Variants in FZR1 observed in about 807,000 individuals in gnomAD.
The protein encoded by FZR1 is fizzy-related protein homolog.
FZR1 carries 11 observed loss-of-function variants against 63.6 expected under a neutral mutation model. That is an observed-to-expected ratio of 0.17 (90% confidence interval 0.11 to 0.29). FZR1 has a LOEUF of 0.29. FZR1 is among the 10% of genes least tolerant of loss of function. The pLI is 1.00. For missense variants in FZR1, 440 were observed against 687.5 expected, an observed-to-expected ratio of 0.64 and a Z score of 4.03; for synonymous variants, 328 against 297.9, an observed-to-expected ratio of 1.10 and a Z score of -1.04.
At chr19:3,509,751 A>T (rs751663779) in intron 1 of FZR1, among the ~76,000 whole-genome samples, 5 of 152,148 alleles carry the variant, frequency 3.3e-5, no homozygotes, top group Non-Finnish European at 7.4e-5. Context: ...GATGTCCTCA[A>T]GGTGCGTCTA....
intron 7 of FZR1, among the ~76,000 whole-genome samples, chr19:3,529,536 G>A (rs1401620169): frequency 6.7e-6 from 1 of 149,368 alleles, no homozygotes; most frequent in Non-Finnish European, 1.5e-5. Context: ...GTGGATGAGA[G>A]TGGTTGAGGG....
rs199666961 is a variant in FZR1, at chr19:3,525,865, C to T, written c.70-3C>T. 3.1e-5 allele frequency: 50 copies of T among 1,610,840 alleles called. No homozygotes were observed. Among genetic ancestry groups the T allele is most frequent in the Non-Finnish European group, 4.2e-5 (49 of 1,179,902 alleles). ...GAGCAAGCCCTCTGCTGATGCCCTT[C>T]AGGTCACAGAGATGCGGCGGACCCT... On this transcript the variant is annotated splice_polypyrimidine_tract_variant and splice_region_variant and intron_variant, in intron 2 of 13. Transcript: ENST00000441788. The surrounding 1 kb of genome is among the most constrained non-coding windows in gnomAD (Gnocchi z 4.2).
rs575466550 is a variant in FZR1 at position 3,515,393 on chromosome 19, C to G, written c.-34-7563C>G. Among the ~76,000 whole-genome samples the G allele has an allele frequency of 6.6e-6, 1 of 152,160 alleles. No homozygotes were observed. Among genetic ancestry groups the G allele is most frequent in the Admixed American group, 6.5e-5 (1 of 15,278 alleles). On this transcript the variant is annotated intron_variant, in intron 1 of 13. Coordinates refer to ENST00000441788, the MANE Select transcript of FZR1 (RefSeq NM_016263.4). This position sits in a 1 kb window ranked among gnomAD's most constrained non-coding sequence, Gnocchi z 4.6. ...AAAGGAGGGAGAATGCGGTGGTGCC[C>G]GGTCTCATCCGGAGCCTGCCTGGCC...
At chr19:3,517,632 G>A (rs2083068019) in intron 1 of FZR1, among the ~76,000 whole-genome samples, 1 of 151,498 alleles carries the variant, frequency 6.6e-6, no homozygotes. Flanking sequence ...AGGTTGCAGT[G>A]TGCCGAGATT....
At chr19:3,532,188 G>A (rs1030093198) in intron 10 of FZR1, 93 bp downstream of exon 10, 25 of 1,243,132 alleles carry the variant, frequency 2.0e-5, no homozygotes, top group Non-Finnish European at 1.1e-6. Context: ...GGCGGGCGCG[G>A]GCGCGGGGCC....
At chr19:3,528,337 T>C (rs2083183178) in intron 7 of FZR1, among the ~76,000 whole-genome samples, 1 of 152,164 alleles carries the variant, frequency 6.6e-6, no homozygotes, top group Non-Finnish European at 1.5e-5. Flanking sequence ...GCCATGCGAG[T>C]AGTTTCGGGA....
At chr19:3,510,110 A>G (rs2083014264) in intron 1 of FZR1, among the ~76,000 whole-genome samples, 1 of 151,128 alleles carries the variant, frequency 6.6e-6, no homozygotes, top group African/African-American at 2.4e-5. Flanking sequence ...GCCTTCCCAA[A>G]TTGCTGCACG....
chr19:3,531,622 TGAG>T (rs767262329), intron 8 of FZR1, 89 bp from the exon 9 acceptor site: 7 of 816,336 alleles, frequency 8.6e-6, no homozygotes, highest in Admixed American at 2.8e-5. Context: ...AGAGCCCTGG[TGAG>T]GAGAGAGCCT....
chr19:3,523,159 C>T (rs1184809466), intron 2 of FZR1, 101 bp downstream of exon 2: 29 of 806,450 alleles, frequency 3.6e-5, no homozygotes, highest in Admixed American at 5.2e-5. Flanking sequence ...TAAAGCCCCA[C>T]GGACCACTCA....
At chr19:3,518,627 T>A (rs1213549562) in intron 1 of FZR1, among the ~76,000 whole-genome samples, 2 of 152,214 alleles carry the variant, frequency 1.3e-5, no homozygotes, top group African/African-American at 2.4e-5. Context: ...TGTCCTGTGC[T>A]GGGATTTGAA....
rs7248746 is a variant in FZR1 at position 3,538,092 on chromosome 19, G to C, written c.*3256G>C. ...CCTCAGGGAGGACTTGGGCACCTAC[G>C]CCGAGGGAGTGGAGCTCCTGGGTGC... On this transcript the variant is annotated 3_prime_UTR_variant, in exon 14 of 14. Transcript: ENST00000441788. 91,519 of 154,034 alleles carry C rather than the reference G, an allele frequency of 0.59. 29,718 individuals are homozygous for C. The highest frequency in any genetic ancestry group is 0.85 in the East Asian group (4,371 of 5,166). The allele number at this position is 154,034 out of a possible 1,614,324, so 9.5% of individuals were successfully genotyped here. A position where few individuals can be genotyped will look rare whatever the true frequency, so the allele number is the denominator to read the frequency against.
chr19:3,512,374 C>A (rs1308356783), intron 1 of FZR1, among the ~76,000 whole-genome samples: 1 of 152,206 alleles, frequency 6.6e-6, no homozygotes, highest in Admixed American at 6.5e-5. Context: ...GATTTCACAG[C>A]TTCCTAGGCA....
chr19:3,522,916 G>A (rs946083979), intron 1 of FZR1, 40 bp from the exon 2 acceptor site: 11 of 1,058,118 alleles, frequency 1.0e-5, no homozygotes, highest in African/African-American at 1.5e-5. Context: ...CCGGGCAGCC[G>A]GCCCTGCCCC....
At chr19:3,529,578 G>A (rs983209714) in intron 7 of FZR1, among the ~76,000 whole-genome samples, 1 of 150,974 alleles carries the variant, frequency 6.6e-6, no homozygotes, top group African/African-American at 2.4e-5. Flanking sequence ...GAGAGCGGAT[G>A]GGTGAGTGGA....
chr19:3,531,443 CTG>C (rs2083245894), intron 8 of FZR1, among the ~76,000 whole-genome samples: 1 of 152,250 alleles, frequency 6.6e-6, no homozygotes, highest in Admixed American at 6.5e-5. Context: ...CTCCTTCCCT[CTG>C]TGTGAAATGT....
chr19:3,517,631 T>C (rs1466271012), intron 1 of FZR1, among the ~76,000 whole-genome samples: 1 of 151,930 alleles, frequency 6.6e-6, no homozygotes, highest in Admixed American at 6.6e-5. Context: ...GAGGTTGCAG[T>C]GTGCCGAGAT....
In FZR1 at chr19:3,536,832, T is replaced by C. The variant is rs1243967167; in HGVS notation, c.*1996T>C. The C allele has an allele frequency of 6.6e-6, 1 of 152,248 alleles. No individual in the cohort carries two copies. The highest frequency in any genetic ancestry group is 1.5e-5 in the Non-Finnish European group (1 of 68,034). The allele number at this position is 152,248 out of a possible 1,614,324, so 9.4% of individuals were successfully genotyped here. On this transcript the variant is annotated 3_prime_UTR_variant, in exon 14 of 14. Transcript: ENST00000441788. Reference sequence around the variant, plus strand: ...CTGCCCTAGAGTCCCCATCTGGCCCTGGAGCTGCAGAAGCAGCTTCTGAGG... The same window carrying C: ...CTGCCCTAGAGTCCCCATCTGGCCCCGGAGCTGCAGAAGCAGCTTCTGAGG...
At position 3,522,996 on chromosome 19, in the gene FZR1, C is replaced by G. The variant is rs749486120; in HGVS notation, c.7C>G (p.Gln3Glu). 1.2e-6 allele frequency: 2 copies of G among 1,610,830 alleles called. No homozygotes were observed. The highest frequency in any genetic ancestry group is 1.7e-6 in the Non-Finnish European group (2 of 1,178,190). The stretch of plus-strand genomic sequence containing the variant: ...GGCCGAGCCCTGCCTCGCCATGGAC[C>G]AGGACTATGAGCGGCGCCTGCTTCG... MD[Q>E]DYERRLLRQI... Residue 3 changes from glutamine to glutamate, a missense_variant, in exon 2 of 14, where the codon CAG becomes GAG. Around this residue, in one of 5 missense-constraint regions of FZR1, gnomAD observed 200 missense variants for 245.1 expected, o/e 0.82. Transcript: ENST00000441788.
rs1475541904 is a variant in FZR1 at position 3,525,427 on chromosome 19, G to GTTTTTTTTT, written c.70-437_70-436insTTTTTTTTT. 2.9e-5 allele frequency among the ~76,000 whole-genome samples: 3 copies of GTTTTTTTTT among 104,970 alleles called. No homozygotes were observed. Among genetic ancestry groups the GTTTTTTTTT allele is most frequent in the African/African-American group, 1.3e-4 (3 of 22,532 alleles). 68.9% of individuals were successfully genotyped at this position (104,970 alleles called of 152,430 possible). On this transcript the variant is annotated intron_variant, in intron 2 of 13. Transcript: ENST00000441788. The surrounding 1 kb of genome is among the most constrained non-coding windows in gnomAD (Gnocchi z 4.2). ...GTGACTGTGTGGCTCCCCTCCTTGG[G>GTTTTTTTTT]TTTTCTTTTTTTTTTTTTTTTTTTT...
Sources: allele counts gnomAD v4.1 joint callset (sites outside exome capture counted in the v4.1 genomes callset), GRCh38; gene constraint gnomAD v4.1.1; regional missense constraint gnomAD v4.1.1; non-coding constraint Gnocchi (gnomAD v3.1); transcripts MANE v1.5; gene names NCBI Gene and HGNC (gene_info 2026-07-23, HGNC 2026-07-21).